The following CTPS2 variants were observed in gnomAD, a reference collection of about 807,000 sequenced individuals.
CTPS2 encodes CTP synthase 2.
CTPS2 carries 19 observed loss-of-function variants against 46.8 expected under a neutral mutation model. That is an observed-to-expected ratio of 0.41 (90% confidence interval 0.28 to 0.60). The LOEUF (loss-of-function observed/expected upper bound fraction) is 0.60, where lower values mean the gene tolerates loss of function less well. Among genes scored for constraint, CTPS2 ranks in the 20% least tolerant of loss-of-function variants. The pLI is 0.35. For synonymous variants in CTPS2, 151 were observed against 165.2 expected, an observed-to-expected ratio of 0.91 and a Z score of 0.66; for missense variants, 286 against 447.6, an observed-to-expected ratio of 0.64 and a Z score of 3.26.
chrX:16,690,007 G>A (rs1923562289), intron 7 of CTPS2, among the ~76,000 whole-genome samples: 2 of 108,664 alleles, frequency 1.8e-5, no homozygotes, highest in Admixed American at 1.0e-4. Flanking sequence ...AGTCGAGATC[G>A]CACCATTGCA....
chrX:16,610,115 G>A (rs1930189692), intron 16 of CTPS2, among the ~76,000 whole-genome samples: 2 of 111,203 alleles, frequency 1.8e-5, no homozygotes, highest in Non-Finnish European at 3.8e-5. Context: ...GGATAAACCA[G>A]CACAATATCA....
At chrX:16,601,405 G>A (rs1477757529) in intron 17 of CTPS2, among the ~76,000 whole-genome samples, 1 of 110,936 alleles carries the variant, frequency 9.0e-6, no homozygotes, top group African/African-American at 3.3e-5. Flanking sequence ...TAACGAGTCC[G>A]TGAACAACCA....
intron 17 of CTPS2, among the ~76,000 whole-genome samples, chrX:16,593,383 C>T (rs1250037905): frequency 1.5e-4 from 15 of 100,314 alleles, no homozygotes; most frequent in South Asian, 4.8e-4. Context: ...GAGCCAAGAT[C>T]GCGCCACTGC....
At chrX:16,603,759 C>T (rs1256051314) in intron 17 of CTPS2, among the ~76,000 whole-genome samples, 9 of 109,949 alleles carry the variant, frequency 8.2e-5, no homozygotes, top group Admixed American at 7.8e-4. Flanking sequence ...TGTAATGCTA[C>T]ATGTAGAAGT....
chrX:16,628,031 G>C (rs1931256098), intron 14 of CTPS2, among the ~76,000 whole-genome samples: 1 of 111,510 alleles, frequency 9.0e-6, no homozygotes, highest in Admixed American at 9.6e-5. Context: ...CAAAATGGTG[G>C]CTGGGTCCTA....
intron 1 of CTPS2, among the ~76,000 whole-genome samples, chrX:16,711,133 C>CA (rs1294969984): frequency 8.9e-6 from 1 of 111,980 alleles, no homozygotes; most frequent in Non-Finnish European, 1.9e-5. Flanking sequence ...AAATATTACA[C>CA]AGCCAGGTAC....
At chrX:16,701,270 G>A (rs1924526627) in intron 2 of CTPS2, among the ~76,000 whole-genome samples, 1 of 111,839 alleles carries the variant, frequency 8.9e-6, no homozygotes, top group African/African-American at 3.2e-5. Context: ...TGGTGCAGTG[G>A]CTCATGCCTG....
intron 17 of CTPS2, among the ~76,000 whole-genome samples, chrX:16,609,028 TA>T (rs1241605931): frequency 1.8e-5 from 2 of 111,421 alleles, no homozygotes; most frequent in African/African-American, 6.5e-5. Flanking sequence ...CATACATTTT[TA>T]AAAAACATAA....
chrX:16,595,162 T>TACACACACACAC (rs10643985), intron 17 of CTPS2, among the ~76,000 whole-genome samples: 4 of 102,729 alleles, frequency 3.9e-5, no homozygotes, highest in African/African-American at 1.1e-4. Context: ...AGCAATCTTT[T>TACACACACACAC]ACACACACAC....
At chrX:16,693,939 G>C (rs1302404491) in intron 4 of CTPS2, among the ~76,000 whole-genome samples, 2 of 111,662 alleles carry the variant, frequency 1.8e-5, no homozygotes, top group African/African-American at 6.5e-5. Flanking sequence ...GGCCGAGGCG[G>C]GCGGATCACA....
intron 14 of CTPS2, 83 bp downstream of exon 14, chrX:16,639,064 C>G: frequency 1.3e-6 from 1 of 746,545 alleles, no homozygotes; most frequent in Non-Finnish European, 2.1e-6. Context: ...CAGGGGGAGT[C>G]TCCACCACCC....
chrX:16,654,776 A>G (rs1030667259), intron 13 of CTPS2: 2 of 150,937 alleles, frequency 1.3e-5, no homozygotes, highest in East Asian at 1.4e-4. Flanking sequence ...AGAGAGAGAG[A>G]GAGGGAGGCT....
intron 8 of CTPS2, among the ~76,000 whole-genome samples, chrX:16,688,415 A>C (rs1305961527): frequency 9.5e-6 from 1 of 105,513 alleles, no homozygotes; most frequent in Non-Finnish European, 1.9e-5. Flanking sequence ...AAAAGAAAAC[A>C]AGTGACAGGG....
At chrX:16,655,467 C>T (rs1932795282) in intron 13 of CTPS2, among the ~76,000 whole-genome samples, 1 of 111,693 alleles carries the variant, frequency 9.0e-6, no homozygotes, top group South Asian at 3.8e-4. Context: ...AATATGGAGG[C>T]AAGAAGTGCA....
intron 10 of CTPS2, among the ~76,000 whole-genome samples, chrX:16,671,353 C>A (rs2147307022): frequency 9.0e-6 from 1 of 111,042 alleles, no homozygotes; most frequent in East Asian, 2.8e-4. Context: ...CTTGCTTTCA[C>A]TTTACTCTAT....
chrX:16,689,884 T>C (rs1292605108), intron 7 of CTPS2, among the ~76,000 whole-genome samples: 1 of 110,600 alleles, frequency 9.0e-6, no homozygotes, highest in Non-Finnish European at 1.9e-5. Context: ...AAACCCCACC[T>C]GTATTAAAAA....
At chrX:16,705,305 C>T (rs1462368387) in intron 1 of CTPS2, among the ~76,000 whole-genome samples, 1 of 112,392 alleles carries the variant, frequency 8.9e-6, no homozygotes, top group Non-Finnish European at 1.9e-5. Flanking sequence ...TGACTGAGTC[C>T]TGTTACACCA....
chrX:16,640,214 G>C lies in CTPS2; in HGVS notation c.1297-971C>G, dbSNP rs903442604. 2.7e-5 allele frequency among the ~76,000 whole-genome samples: 3 copies of C among 111,639 alleles called. No homozygotes were observed. The East Asian group carries it at 8.5e-4, about 31-fold the overall frequency. On this transcript the variant is annotated intron_variant, in intron 13 of 18. Coordinates refer to ENST00000359276, the MANE Select transcript of CTPS2 (RefSeq NM_175859.3). The stretch of plus-strand genomic sequence containing the variant: ...TTATATTCCCTGCCCCTCTCACCCT[G>C]AGTGCTGGTTCTTTGAGTTTTTCAA...
chrX:16,689,790 A>G (rs900621294), intron 7 of CTPS2, among the ~76,000 whole-genome samples, 189 bp from the exon 8 acceptor site: 1 of 111,916 alleles, frequency 8.9e-6, no homozygotes, highest in Non-Finnish European at 1.9e-5. Context: ...ATTTAATTAG[A>G]AAACTAATCC....
Sources: gnomAD v4.1 joint callset for allele counts (sites outside exome capture counted in the v4.1 genomes callset) on GRCh38, gnomAD v4.1.1 for gene constraint, MANE v1.5 for transcripts, NCBI Gene and HGNC (gene_info 2026-07-23, HGNC 2026-07-21) for gene names.